Variants in ALK observed in about 807,000 individuals in gnomAD.
The protein encoded by ALK is ALK tyrosine kinase receptor.
A neutral mutation model predicts 163.1 loss-of-function variants in ALK; 74 were observed. The ratio of observed to expected loss-of-function variants is 0.45; its 90% CI spans 0.38 to 0.55. The LOEUF (loss-of-function observed/expected upper bound fraction) is 0.55. Ranked by LOEUF, ALK falls within the 20% of genes least tolerant of loss-of-function variation. The pLI is 0.00. For missense variants in ALK, 2,063 were observed against 2,105.3 expected, an observed-to-expected ratio of 0.98 and a Z score of 0.39; for synonymous variants, 960 against 843.2, an observed-to-expected ratio of 1.14 and a Z score of -2.40.
At chr2:29,218,200 C>G (rs988386577) in intron 23 of ALK, among the ~76,000 whole-genome samples, 1 of 152,186 alleles carries the variant, frequency 6.6e-6, no homozygotes, top group Non-Finnish European at 1.5e-5. Flanking sequence ...GCGGGGAGGA[C>G]CATGACTGGG....
At chr2:29,465,091 C>G (rs1326829627) in intron 4 of ALK, among the ~76,000 whole-genome samples, 1 of 152,096 alleles carries the variant, frequency 6.6e-6, no homozygotes, top group South Asian at 2.1e-4. Flanking sequence ...AAACCCCAAT[C>G]TGAAGAAACG....
At chr2:29,916,258 A>G (rs1558547617) in intron 1 of ALK, among the ~76,000 whole-genome samples, 2 of 152,256 alleles carry the variant, frequency 1.3e-5, no homozygotes, top group African/African-American at 4.8e-5. Flanking sequence ...GTTTGCTTCT[A>G]CAAGTATGAT....
chr2:29,669,124 G>A (rs1677606420), intron 3 of ALK, among the ~76,000 whole-genome samples: 1 of 151,976 alleles, frequency 6.6e-6, no homozygotes, highest in African/African-American at 2.4e-5. Flanking sequence ...TAGATCTAGT[G>A]TGTAAGTTAA....
chr2:29,425,978 C>G (rs1279548976), intron 4 of ALK, among the ~76,000 whole-genome samples: 3 of 152,098 alleles, frequency 2.0e-5, no homozygotes, highest in East Asian at 1.9e-4. Flanking sequence ...AAAGAGTGGC[C>G]TCAAAAATTA....
At chr2:29,886,781 G>A (rs1386019222) in intron 1 of ALK, among the ~76,000 whole-genome samples, 1 of 152,180 alleles carries the variant, frequency 6.6e-6, no homozygotes, top group Non-Finnish European at 1.5e-5. Flanking sequence ...TAGCTCAAAA[G>A]GTTTTTATGA....
rs935324522 is a variant in ALK at position 29,207,403 on chromosome 2, T to C, written c.3837-131A>G. On this transcript the variant is annotated intron_variant, in intron 25 of 28. Transcript: ENST00000389048. ...AGGTCTGAAATTAACCATGAGTCCT[T>C]GGCGGTTCAGGAGGAGAGCAGGGGC... 8.0e-6 allele frequency: 6 copies of C among 746,552 alleles called. No homozygotes were observed. The Admixed American group carries it at 1.2e-4, about 15-fold the overall frequency. The allele number at this position is 746,552 out of a possible 1,614,324, so 46.2% of individuals were successfully genotyped here. A position where few individuals can be genotyped will look rare whatever the true frequency, so the allele number is the denominator to read the frequency against.
At chr2:29,395,407 T>C (rs1239759378) in intron 4 of ALK, among the ~76,000 whole-genome samples, 2 of 152,188 alleles carry the variant, frequency 1.3e-5, no homozygotes, top group East Asian at 1.9e-4. Context: ...CAGACTTGTA[T>C]CTGCTAGAGA....
intron 4 of ALK, among the ~76,000 whole-genome samples, chr2:29,524,463 C>T (rs1400350224): frequency 6.6e-6 from 1 of 152,168 alleles, no homozygotes; most frequent in East Asian, 1.9e-4. Context: ...GATCTGTTTC[C>T]CTGTGTTACC....
intron 1 of ALK, among the ~76,000 whole-genome samples, chr2:29,756,384 A>G (rs1423485863): frequency 6.6e-6 from 1 of 152,208 alleles, no homozygotes; most frequent in Admixed American, 6.5e-5. Context: ...TAAACTCAGA[A>G]GGGGACAAGG....
chr2:29,646,642 A>C (rs897604294), intron 3 of ALK, among the ~76,000 whole-genome samples: 3 of 151,976 alleles, frequency 2.0e-5, no homozygotes, highest in African/African-American at 7.2e-5. Flanking sequence ...ATCCCTGAAT[A>C]TTCCAGGCAT....
At chr2:29,388,293 A>G (rs2148305176) in intron 4 of ALK, among the ~76,000 whole-genome samples, 1 of 152,326 alleles carries the variant, frequency 6.6e-6, no homozygotes, top group South Asian at 2.1e-4. Flanking sequence ...ACACGTGAGG[A>G]CCATGAGTGG....
At chr2:29,783,127 G>A (rs914083271) in intron 1 of ALK, among the ~76,000 whole-genome samples, 10 of 152,162 alleles carry the variant, frequency 6.6e-5, no homozygotes, top group African/African-American at 2.4e-4. Flanking sequence ...CGGGCTCTTC[G>A]CTTTTTCCTA....
chr2:29,271,707 C>T (rs553720145), intron 11 of ALK, among the ~76,000 whole-genome samples: 1 of 152,324 alleles, frequency 6.6e-6, no homozygotes, highest in African/African-American at 2.4e-5. Flanking sequence ...CCAGCCAGGG[C>T]CCAGTGGGGG....
intron 1 of ALK, among the ~76,000 whole-genome samples, chr2:29,824,475 G>A (rs1038552058): frequency 2.6e-5 from 4 of 152,246 alleles, no homozygotes; most frequent in African/African-American, 9.6e-5. Context: ...GAAGGCAGCT[G>A]GGAGGGGGCC....
In ALK at chr2:29,380,965, G is replaced by C. The variant is rs192306217; in HGVS notation, c.1282+2767C>G. Among the ~76,000 whole-genome samples, 4 of 152,348 alleles carry C rather than the reference G, an allele frequency of 2.6e-5. No homozygotes were observed. The East Asian group carries it at 7.7e-4, about 29-fold the overall frequency. On this transcript the variant is annotated intron_variant, in intron 5 of 28. Coordinates refer to ENST00000389048, the MANE Select transcript of ALK (RefSeq NM_004304.5). ...AGGCAAAAGCAAGTCTAGAGGTAAA[G>C]GTTCTGGCAATTTGGGTGTAGTGGT...
At chr2:29,345,721 C>T (rs1411365730) in intron 5 of ALK, among the ~76,000 whole-genome samples, 2 of 152,040 alleles carry the variant, frequency 1.3e-5, no homozygotes, top group East Asian at 1.9e-4. Flanking sequence ...AAACAACATC[C>T]CCACAGACAG....
intron 5 of ALK, among the ~76,000 whole-genome samples, chr2:29,344,853 G>A (rs886986641): frequency 3.3e-5 from 5 of 152,204 alleles, no homozygotes; most frequent in African/African-American, 1.2e-4. Context: ...TCCTCAAAGA[G>A]TGGGTAAGAA....
chr2:29,738,570 G>A (rs1393469577), intron 1 of ALK, among the ~76,000 whole-genome samples: 2 of 152,030 alleles, frequency 1.3e-5, no homozygotes, highest in Admixed American at 1.3e-4. Flanking sequence ...TTTTTAGGAC[G>A]AGGAGAAATA....
At chr2:29,708,849 G>C (rs1207847474) in intron 2 of ALK, among the ~76,000 whole-genome samples, 1 of 152,076 alleles carries the variant, frequency 6.6e-6, no homozygotes, top group Non-Finnish European at 1.5e-5. Context: ...ACCACAGAAG[G>C]CCCTGACAGC....
Sources: allele counts gnomAD v4.1 joint callset (sites outside exome capture counted in the v4.1 genomes callset), GRCh38; gene constraint gnomAD v4.1.1; transcripts MANE v1.5; gene names NCBI Gene and HGNC (gene_info 2026-07-23, HGNC 2026-07-21).